The following NAA11 variants were observed in gnomAD, a reference collection of about 807,000 sequenced individuals.
The protein encoded by NAA11 is N-alpha-acetyltransferase 11.
A neutral mutation model predicts 16.1 loss-of-function variants in NAA11; 15 were observed. That is an observed-to-expected ratio of 0.93 (90% CI 0.62 to 1.44). The LOEUF is 1.44. Ranked by LOEUF, NAA11 falls within the 40% of genes most tolerant of loss-of-function variation. NAA11 has a pLI of 0.00. For synonymous variants in NAA11, 122 were observed against 112.4 expected (o/e 1.09, Z -0.54); for missense variants, 298 against 291.3 (o/e 1.02, Z -0.17).
chr4:79,190,606 TAAATG>T, the NAA11 span, among the ~76,000 whole-genome samples: 1 of 152,188 alleles, frequency 6.6e-6, no homozygotes, highest in Admixed American at 6.5e-5. Flanking sequence ...ACGTTAAAGA[TAAATG>T]AAAGACCCAT....
intron 1 of NAA11, among the ~76,000 whole-genome samples, chr4:79,302,366 A>T (rs1723416589): frequency 6.6e-6 from 1 of 152,214 alleles, no homozygotes; most frequent in South Asian, 2.1e-4. Flanking sequence ...AATGTCACTG[A>T]TTTATTCTTG....
intron 2 of NAA11, among the ~76,000 whole-genome samples, chr4:79,253,408 A>G (rs72870807): frequency 0.11 from 17,178 of 152,224 alleles, 1,243 homozygotes; most frequent in African/African-American, 0.19. Context: ...TTAGATGACC[A>G]AAGGAGTAAG....
chr4:79,222,658 C>A (rs1721217211), downstream of NAA11, among the ~76,000 whole-genome samples: 1 of 143,938 alleles, frequency 6.9e-6, no homozygotes, highest in South Asian at 2.3e-4. Context: ...TCTAATTAAA[C>A]TAAAGAGCTT....
At chr4:79,309,959 C>T (rs984141732) in intron 1 of NAA11, among the ~76,000 whole-genome samples, 2 of 152,210 alleles carry the variant, frequency 1.3e-5, no homozygotes, top group Admixed American at 6.5e-5. Context: ...TCGTGATCCG[C>T]CCACCTCAGC....
chr4:79,179,726 G>A, the NAA11 span, among the ~76,000 whole-genome samples: 9 of 152,144 alleles, frequency 5.9e-5, no homozygotes, highest in Non-Finnish European at 8.8e-5. Flanking sequence ...GAAGCATCAA[G>A]AGCATTACTA....
chr4:79,175,800 G>C, the NAA11 span, among the ~76,000 whole-genome samples: 1 of 147,612 alleles, frequency 6.8e-6, no homozygotes, highest in Non-Finnish European at 1.5e-5. Context: ...TCTCTTATAA[G>C]TTTTGTTTTG....
At chr4:79,234,681 A>T (rs1462005169) in intron 2 of NAA11, among the ~76,000 whole-genome samples, 1 of 152,146 alleles carries the variant, frequency 6.6e-6, no homozygotes, top group Non-Finnish European at 1.5e-5. Flanking sequence ...TTAAGGGTGC[A>T]TTCTCTACTC....
At chr4:79,252,848 G>A (rs1348960811) in intron 2 of NAA11, among the ~76,000 whole-genome samples, 1 of 152,180 alleles carries the variant, frequency 6.6e-6, no homozygotes, top group Non-Finnish European at 1.5e-5. Context: ...TGATTCTCAT[G>A]CAACAAGGAA....
In NAA11 at chr4:79,250,326, C is replaced by T. The variant is rs185478302; in HGVS notation, c.*123-24056G>A. Among the ~76,000 whole-genome samples the T allele has an allele frequency of 6.6e-5, 10 of 152,364 alleles. No homozygotes were observed. The East Asian group carries it at 1.9e-3, about 29-fold the overall frequency. On this transcript the variant is annotated intron_variant and NMD_transcript_variant, in intron 2 of 2. Coordinates refer to the NAA11 transcript ENST00000511542. ...GAGCCGAGAGGCCACGTTCAGCGGG[C>T]CCCGCTCCCATGGCACCTCATAAGT...
At chr4:79,202,099 T>G in the NAA11 span, among the ~76,000 whole-genome samples, 4 of 151,612 alleles carry the variant, frequency 2.6e-5, no homozygotes, top group Non-Finnish European at 5.9e-5. Context: ...CTTCTCAGCC[T>G]CTGGTAACCA....
chr4:79,323,618 A>G (rs1163433878), intron 1 of NAA11, among the ~76,000 whole-genome samples: 1 of 152,198 alleles, frequency 6.6e-6, no homozygotes, highest in African/African-American at 2.4e-5. Context: ...CAGGAGATCA[A>G]GACCATCCTG....
At chr4:79,254,684 T>G (rs1722067198) in intron 2 of NAA11, among the ~76,000 whole-genome samples, 1 of 149,438 alleles carries the variant, frequency 6.7e-6, no homozygotes, top group African/African-American at 2.5e-5. Flanking sequence ...GTTAATTTAA[T>G]TTATTTATTT....
chr4:79,187,658 A>G, the NAA11 span, among the ~76,000 whole-genome samples: 1 of 152,168 alleles, frequency 6.6e-6, no homozygotes, highest in Non-Finnish European at 1.5e-5. Flanking sequence ...ACCTTCAGTT[A>G]TTTAATGTGC....
the NAA11 span, among the ~76,000 whole-genome samples, chr4:79,214,137 A>T: frequency 6.6e-6 from 1 of 152,216 alleles, no homozygotes; most frequent in East Asian, 1.9e-4. Flanking sequence ...AGTATTTTTT[A>T]TGGTGATGAC....
chr4:79,222,501 G>T (rs1578148209), downstream of NAA11, among the ~76,000 whole-genome samples: 2 of 150,272 alleles, frequency 1.3e-5, no homozygotes, highest in East Asian at 3.9e-4. Context: ...ATTCAAGATG[G>T]ATTAAAGACT....
At chr4:79,272,501 G>A (rs181889091) in intron 2 of NAA11, among the ~76,000 whole-genome samples, 7 of 152,104 alleles carry the variant, frequency 4.6e-5, no homozygotes, top group Admixed American at 1.3e-4. Flanking sequence ...ACTCTTCATT[G>A]ACAATGGAAT....
the NAA11 span, among the ~76,000 whole-genome samples, chr4:79,195,142 T>G: frequency 6.6e-6 from 1 of 152,058 alleles, no homozygotes; most frequent in Admixed American, 6.6e-5. Flanking sequence ...TGGTGAGAGA[T>G]GAAATAATGT....
At chr4:79,211,361 C>T in the NAA11 span, among the ~76,000 whole-genome samples, 9 of 151,748 alleles carry the variant, frequency 5.9e-5, no homozygotes, top group Non-Finnish European at 1.0e-4. Flanking sequence ...TTTTTTTTCA[C>T]AGTAGTTATT....
chr4:79,305,803 T>C (rs1429049985), intron 1 of NAA11, among the ~76,000 whole-genome samples: 1 of 152,208 alleles, frequency 6.6e-6, no homozygotes, highest in Non-Finnish European at 1.5e-5. Flanking sequence ...GACTCTCAAA[T>C]GGTATAACAT....
Sources: gnomAD v4.1 joint callset for allele counts (sites outside exome capture counted in the v4.1 genomes callset) on GRCh38, gnomAD v4.1.1 for gene constraint, MANE v1.5 for transcripts, NCBI Gene and HGNC (gene_info 2026-07-23, HGNC 2026-07-21) for gene names.